Variants in NYAP2 observed in about 807,000 individuals in gnomAD.
The protein encoded by NYAP2 is neuronal tyrosine-phosphorylated phosphoinositide-3-kinase adapter 2.
Under a neutral mutation model 50.4 loss-of-function variants are expected in NYAP2, and 23 were observed. The observed-to-expected ratio is 0.46, with a 90% CI of 0.33 to 0.65. The LOEUF (loss-of-function observed/expected upper bound fraction) is 0.65. Among genes scored for constraint, NYAP2 ranks in the 30% least tolerant of loss-of-function variants. The pLI, the probability that NYAP2 is intolerant of heterozygous loss-of-function variation, is 0.02. For synonymous variants in NYAP2, 394 were observed against 365.2 expected (o/e 1.08, Z -0.90); for missense variants, 885 against 861.0 (o/e 1.03, Z -0.35).
At chr2:225,609,529 C>T (rs113591276) in intron 5 of NYAP2, among the ~76,000 whole-genome samples, 15 of 152,176 alleles carry the variant, frequency 9.9e-5, no homozygotes, top group African/African-American at 2.2e-4. Flanking sequence ...AGAAATGCAG[C>T]GAGTTCTTAG....
rs76902702 is a variant in NYAP2, at chr2:225,572,782, C to G, written c.524-9159C>G. ...TTCAGGCTCTACTAGCATGCTGAGT[C>G]CATGTCCACAACAGAGATCTGACAG... On this transcript the variant is annotated intron_variant, in intron 4 of 6. Transcript: ENST00000636099. 6.6e-3 allele frequency among the ~76,000 whole-genome samples: 998 copies of G among 152,240 alleles called. 14 individuals carry two copies. The highest frequency in any genetic ancestry group is 0.023 in the African/African-American group (954 of 41,544).
intron 3 of NYAP2, among the ~76,000 whole-genome samples, chr2:225,436,328 G>A (rs983249911): frequency 6.6e-6 from 1 of 152,186 alleles, no homozygotes; most frequent in Non-Finnish European, 1.5e-5. Context: ...CAAGATCAAG[G>A]TATTGGCATT....
chr2:225,553,797 G>A (rs1293139359), intron 4 of NYAP2, among the ~76,000 whole-genome samples: 2 of 152,134 alleles, frequency 1.3e-5, no homozygotes, highest in Non-Finnish European at 2.9e-5. Context: ...AGCATTTTGG[G>A]AGGCTGAGGC....
chr2:225,678,447 T>C, the NYAP2 span, among the ~76,000 whole-genome samples: 1 of 152,156 alleles, frequency 6.6e-6, no homozygotes, highest in African/African-American at 2.4e-5. Flanking sequence ...TTTATGTATT[T>C]AATTCTGCCA....
intron 3 of NYAP2, among the ~76,000 whole-genome samples, chr2:225,495,867 C>T (rs779732827): frequency 4.6e-5 from 7 of 152,088 alleles, no homozygotes; most frequent in Non-Finnish European, 8.8e-5. Flanking sequence ...ATGAGAAGAC[C>T]GCAGACCAAA....
chr2:225,610,927 T>C (rs1692870727), intron 5 of NYAP2, among the ~76,000 whole-genome samples: 1 of 152,174 alleles, frequency 6.6e-6, no homozygotes, highest in South Asian at 2.1e-4. Flanking sequence ...TATTTAACAA[T>C]AGAACCATTT....
intron 4 of NYAP2, among the ~76,000 whole-genome samples, chr2:225,547,210 C>T (rs1182881391): frequency 1.3e-5 from 2 of 152,182 alleles, no homozygotes; most frequent in African/African-American, 2.4e-5. Flanking sequence ...TCTGGACCTA[C>T]CCTGGGCCCA....
chr2:225,430,705 C>G (rs532015141), intron 3 of NYAP2, among the ~76,000 whole-genome samples: 3 of 122,884 alleles, frequency 2.4e-5, no homozygotes, highest in Admixed American at 1.7e-4. Context: ...AGTGCCCTAA[C>G]TAGAATGCTA....
At chr2:225,684,518 G>T in the NYAP2 span, among the ~76,000 whole-genome samples, 1 of 143,304 alleles carries the variant, frequency 7.0e-6, no homozygotes, top group South Asian at 2.2e-4. Flanking sequence ...CTCCTGATTT[G>T]TTTTTTCCAC....
chr2:225,556,888 A>G (rs1439688286), intron 4 of NYAP2, among the ~76,000 whole-genome samples: 1 of 152,216 alleles, frequency 6.6e-6, no homozygotes. Flanking sequence ...TCAGAAGAAT[A>G]TAATGGCTAA....
At chr2:225,620,242 T>C (rs1693066480) in intron 5 of NYAP2, among the ~76,000 whole-genome samples, 1 of 152,244 alleles carries the variant, frequency 6.6e-6, no homozygotes, top group African/African-American at 2.4e-5. Flanking sequence ...TATTTACATA[T>C]TATATATTAC....
At chr2:225,658,271 C>T (rs796202379), downstream of NYAP2, among the ~76,000 whole-genome samples, 9 of 152,280 alleles carry the variant, frequency 5.9e-5, no homozygotes, top group African/African-American at 2.2e-4. Context: ...GTCAACCTTA[C>T]ATATATTTCC....
intron 4 of NYAP2, among the ~76,000 whole-genome samples, chr2:225,569,204 G>T (rs556062514): frequency 6.6e-6 from 1 of 152,330 alleles, no homozygotes; most frequent in Admixed American, 6.5e-5. Flanking sequence ...TTGAGATACT[G>T]AATGGGACAG....
At chr2:225,689,402 T>C in the NYAP2 span, among the ~76,000 whole-genome samples, 1 of 152,198 alleles carries the variant, frequency 6.6e-6, no homozygotes, top group Non-Finnish European at 1.5e-5. Context: ...ATAGTATATA[T>C]AACTTAAAAT....
chr2:225,419,723 T>C (rs1219799875), intron 3 of NYAP2, among the ~76,000 whole-genome samples: 2 of 152,220 alleles, frequency 1.3e-5, no homozygotes, highest in African/African-American at 4.8e-5. Flanking sequence ...TTATTACTGT[T>C]ATTATTTTTA....
At chr2:225,495,846 A>G (rs1165069090) in intron 3 of NYAP2, among the ~76,000 whole-genome samples, 1 of 152,230 alleles carries the variant, frequency 6.6e-6, no homozygotes, top group African/African-American at 2.4e-5. Flanking sequence ...TAGTAAAGCT[A>G]TGGAAGATAG....
At chr2:225,527,400 G>T (rs538266284) in intron 4 of NYAP2, among the ~76,000 whole-genome samples, 7 of 152,276 alleles carry the variant, frequency 4.6e-5, no homozygotes, top group Non-Finnish European at 8.8e-5. Flanking sequence ...GATTTTCCAA[G>T]GCTTCAATCT....
At chr2:225,477,935 T>C (rs59528664) in intron 3 of NYAP2, among the ~76,000 whole-genome samples, 3,757 of 152,180 alleles carry the variant, frequency 0.025, 160 homozygotes, top group African/African-American at 0.086. Flanking sequence ...AGAAACTGCC[T>C]TTATCAATCC....
chr2:225,680,142 A>G, the NYAP2 span, among the ~76,000 whole-genome samples: 1 of 152,186 alleles, frequency 6.6e-6, no homozygotes, highest in Non-Finnish European at 1.5e-5. Flanking sequence ...TCTTCAGTTT[A>G]GCTACTCACT....
Sources: gnomAD v4.1 joint callset for allele counts (sites outside exome capture counted in the v4.1 genomes callset) on GRCh38, gnomAD v4.1.1 for gene constraint, MANE v1.5 for transcripts, NCBI Gene and HGNC (gene_info 2026-07-23, HGNC 2026-07-21) for gene names.